Variants in KIAA0040 observed in about 807,000 individuals in gnomAD.
KIAA0040 encodes uncharacterized protein KIAA0040.
Under a neutral mutation model 7.2 loss-of-function variants are expected in KIAA0040, and 10 were observed. The observed-to-expected ratio is 1.38, with a 90% CI of 0.85 to 2.34. The LOEUF is 2.34. Among genes scored for constraint, KIAA0040 ranks in the 30% most tolerant of loss-of-function variants. KIAA0040 has a pLI of 0.00. For synonymous variants in KIAA0040, 49 were observed against 40.1 expected, an observed-to-expected ratio of 1.22 and a Z score of -0.84; for missense variants, 89 against 108.2, an observed-to-expected ratio of 0.82 and a Z score of 0.79.
intron 1 of KIAA0040, among the ~76,000 whole-genome samples, chr1:175,182,107 A>G (rs1272419074): frequency 6.6e-6 from 1 of 152,216 alleles, no homozygotes; most frequent in Non-Finnish European, 1.5e-5. Context: ...TCCATACATC[A>G]TAACATGTTA....
At chr1:175,186,273 C>T (rs1677656309) in intron 1 of KIAA0040, among the ~76,000 whole-genome samples, 4 of 152,126 alleles carry the variant, frequency 2.6e-5, no homozygotes, top group Admixed American at 2.6e-4. Flanking sequence ...AAAAGAATGG[C>T]AGAGTTTCCC....
chr1:175,189,014 C>T (rs1677770996), intron 1 of KIAA0040, among the ~76,000 whole-genome samples: 1 of 152,196 alleles, frequency 6.6e-6, no homozygotes, highest in Non-Finnish European at 1.5e-5. Flanking sequence ...AGCTCTGTGA[C>T]TGGGCCCACA....
chr1:175,160,681 C>T lies in KIAA0040; in HGVS notation c.*33G>A, dbSNP rs189303750. On this transcript the variant is annotated 3_prime_UTR_variant, in exon 4 of 4. Coordinates refer to ENST00000423313, the MANE Select transcript of KIAA0040 (RefSeq NM_014656.3). ...GTGTGTGGTCAGAAGGAGGCTTAGC[C>T]CCAGAAAGGAAACACCTCTGCTTCC... 133 of 1,515,588 alleles carry T rather than the reference C, an allele frequency of 8.8e-5. No individual in the cohort carries two copies. In the African/African-American group the frequency reaches 1.7e-3, roughly 19 times the overall value. The allele number at this position is 1,515,588 out of a possible 1,614,324, so 93.9% of individuals were successfully genotyped here.
intron 2 of KIAA0040, among the ~76,000 whole-genome samples, chr1:175,168,519 T>C (rs1184291303): frequency 6.6e-6 from 1 of 152,182 alleles, no homozygotes. Flanking sequence ...AGAGCATCAA[T>C]AGAAAAATGA....
chr1:175,158,906 A>T lies in KIAA0040; in HGVS notation c.*1808T>A, dbSNP rs1676407656. 1 of 152,242 alleles carries T rather than the reference A, an allele frequency of 6.6e-6. No individual in the cohort carries two copies. The highest frequency in any genetic ancestry group is 2.1e-4 in the South Asian group (1 of 4,830). The allele number at this position is 152,242 out of a possible 1,614,324, so 9.4% of individuals were successfully genotyped here. A position where few individuals can be genotyped will look rare whatever the true frequency, so the allele number is the denominator to read the frequency against. ...AAATGCCCACCCTCCACAGGCCTAAAGTACACCTGGAGGGCAGGTGAGTAC... is the reference window on the plus strand; with the variant it reads ...AAATGCCCACCCTCCACAGGCCTAATGTACACCTGGAGGGCAGGTGAGTAC... On this transcript the variant is annotated 3_prime_UTR_variant, in exon 4 of 4. Transcript: ENST00000423313.
At chr1:175,175,246 T>C in intron 2 of KIAA0040, among the ~76,000 whole-genome samples, 1 of 152,186 alleles carries the variant, frequency 6.6e-6, no homozygotes, top group East Asian at 1.9e-4. Context: ...AGTTGCATAA[T>C]TCTATGCAGC....
Position 175,184,018 on chromosome 1 carries a change from G to A in KIAA0040, c.-383-6334C>T, listed in dbSNP as rs144086553. On this transcript the variant is annotated intron_variant, in intron 1 of 3. Coordinates refer to ENST00000423313, the MANE Select transcript of KIAA0040 (RefSeq NM_014656.3). ...AGCTTCTGCCATGTAAAGCAAAGCC[G>A]CCAGGCCTCCTAGGAGTCCTCAAAA... is the stretch of plus-strand genomic sequence containing the variant. Among the ~76,000 whole-genome samples, 319 of 152,244 alleles carry A rather than the reference G, an allele frequency of 2.1e-3. 3 individuals are homozygous for A. The highest frequency in any genetic ancestry group is 7.3e-3 in the African/African-American group (302 of 41,550).
intron 3 of KIAA0040, among the ~76,000 whole-genome samples, chr1:175,164,222 G>A (rs1651646419): frequency 6.6e-6 from 1 of 152,220 alleles, no homozygotes. Flanking sequence ...TCTGGAAAAT[G>A]TGTTAAGAAA....
intron 3 of KIAA0040, among the ~76,000 whole-genome samples, chr1:175,165,447 T>C (rs1676721110): frequency 6.6e-6 from 1 of 152,260 alleles, no homozygotes; most frequent in African/African-American, 2.4e-5. Flanking sequence ...ATTCCAGTGC[T>C]GGGCTTTTCT....
chr1:175,165,808 G>C (rs1676738853), intron 3 of KIAA0040, among the ~76,000 whole-genome samples: 1 of 152,256 alleles, frequency 6.6e-6, no homozygotes, highest in South Asian at 2.1e-4. Flanking sequence ...GCTACTGCAG[G>C]CTGTGTCCAG....
intron 2 of KIAA0040, among the ~76,000 whole-genome samples, chr1:175,174,499 G>A (rs563505603): frequency 4.6e-5 from 7 of 152,248 alleles, no homozygotes; most frequent in Non-Finnish European, 8.8e-5. Context: ...TGAGAAATGA[G>A]GTTATTACTC....
intron 3 of KIAA0040, among the ~76,000 whole-genome samples, chr1:175,162,288 G>C (rs1475980361): frequency 6.6e-6 from 1 of 152,034 alleles, no homozygotes; most frequent in African/African-American, 2.4e-5. Flanking sequence ...TTTTCAGGAT[G>C]GACACTCCAG....
rs1439259664 is a variant in KIAA0040, at chr1:175,159,264, C to G, written c.*1450G>C. 1 of 152,276 alleles carries G rather than the reference C, an allele frequency of 6.6e-6. No individual in the cohort carries two copies. Among genetic ancestry groups the G allele is most frequent in the African/African-American group, 2.4e-5 (1 of 41,464 alleles). The allele number at this position is 152,276 out of a possible 1,614,324, so 9.4% of individuals were successfully genotyped here. A position where few individuals can be genotyped will look rare whatever the true frequency, so the allele number is the denominator to read the frequency against. On this transcript the variant is annotated 3_prime_UTR_variant, in exon 4 of 4. Coordinates refer to ENST00000423313, the MANE Select transcript of KIAA0040 (RefSeq NM_014656.3). ...CTCTGGCGGGGAAAGCCCTCCTCAGCTCACTGTGGATCTAATTTACATGTC... is the reference window on the plus strand; with the variant it reads ...CTCTGGCGGGGAAAGCCCTCCTCAGGTCACTGTGGATCTAATTTACATGTC...
intron 2 of KIAA0040, among the ~76,000 whole-genome samples, chr1:175,171,833 T>C (rs567584773): frequency 6.6e-6 from 1 of 152,150 alleles, no homozygotes; most frequent in Non-Finnish European, 1.5e-5. Context: ...AAAAGAAAAT[T>C]AAAAAGCTCC....
In KIAA0040 at chr1:175,160,813, C is replaced by CTTG. The variant is rs1558387261; in HGVS notation, c.200_201insCAA (p.Lys66_Lys67insAsn). On this transcript the variant is annotated inframe_insertion, in exon 4 of 4. Transcript: ENST00000423313. ...CCTTCTTCTTCTTCTTCTTCTTCTTCTTCTTGTTCTTCTCTGGCTGCTGGC... is the reference window on the plus strand; with the variant it reads ...CCTTCTTCTTCTTCTTCTTCTTCTTCTTGTTCTTGTTCTTCTCTGGCTGCTGGC... 4 of 552,546 alleles carry CTTG rather than the reference C, an allele frequency of 7.2e-6. No homozygotes were observed. The highest frequency in any genetic ancestry group is 1.1e-5 in the Non-Finnish European group (4 of 364,422). 34.2% of individuals were successfully genotyped at this position (552,546 alleles called of 1,614,324 possible). A position where few individuals can be genotyped will look rare whatever the true frequency, so the allele number is the denominator to read the frequency against.
chr1:175,163,254 C>A (rs1219356575), intron 3 of KIAA0040, among the ~76,000 whole-genome samples: 3 of 152,226 alleles, frequency 2.0e-5, no homozygotes, highest in Non-Finnish European at 4.4e-5. Context: ...AAATGCTTAT[C>A]CCAGTCTATT....
intron 1 of KIAA0040, among the ~76,000 whole-genome samples, chr1:175,179,369 G>C (rs543557260): frequency 1.3e-5 from 2 of 152,180 alleles, no homozygotes; most frequent in African/African-American, 2.4e-5. Context: ...ACCAGAGCTC[G>C]GGATTACGCA....
intron 2 of KIAA0040, among the ~76,000 whole-genome samples, chr1:175,177,350 G>C (rs970622830): frequency 6.6e-6 from 1 of 152,228 alleles, no homozygotes; most frequent in Non-Finnish European, 1.5e-5. Flanking sequence ...ACAGTTAGAA[G>C]GCAGAAGATG....
At chr1:175,178,475 T>A (rs1677296258) in intron 1 of KIAA0040, among the ~76,000 whole-genome samples, 1 of 152,232 alleles carries the variant, frequency 6.6e-6, no homozygotes, top group African/African-American at 2.4e-5. Context: ...ATAGCACTAA[T>A]AACAATTGTT....
Sources: gnomAD v4.1 joint callset for allele counts (sites outside exome capture counted in the v4.1 genomes callset) on GRCh38, gnomAD v4.1.1 for gene constraint, MANE v1.5 for transcripts, NCBI Gene and HGNC (gene_info 2026-07-23, HGNC 2026-07-21) for gene names.